HS1BP3: variants seen among roughly 807,000 people sequenced by gnomAD.
The protein encoded by HS1BP3 is HCLS1 binding protein 3.
Under a neutral mutation model 33.5 loss-of-function variants are expected in HS1BP3, and 32 were observed. That is an observed-to-expected ratio of 0.95 (90% CI 0.72 to 1.28). The LOEUF (loss-of-function observed/expected upper bound fraction) is 1.28, where lower values mean the gene tolerates loss of function less well. HS1BP3 is among the 50% of genes most tolerant of loss of function. The pLI, the probability that HS1BP3 is intolerant of heterozygous loss-of-function variation, is 0.00. For missense variants in HS1BP3, 486 were observed against 502.3 expected, an observed-to-expected ratio of 0.97 and a Z score of 0.31; for synonymous variants, 187 against 209.2, an observed-to-expected ratio of 0.89 and a Z score of 0.92.
At chr2:20,627,753 G>A (rs775829041) in intron 4 of HS1BP3, among the ~76,000 whole-genome samples, 17 of 152,118 alleles carry the variant, frequency 1.1e-4, no homozygotes, top group Non-Finnish European at 1.5e-4. Flanking sequence ...CCATCTTCAG[G>A]GGAATCAAGG....
Position 20,611,143 on chromosome 2 carries a change from G to A in HS1BP3, c.178+12753C>T, listed in dbSNP as rs12999289. 0.072 allele frequency among the ~76,000 whole-genome samples: 10,988 copies of A among 152,242 alleles called. 522 individuals carry two copies. Among genetic ancestry groups the A allele is most frequent in the East Asian group, 0.14 (746 of 5,176 alleles). ...TGTTAGAGGGTTTTTCCTTTTTGAC[G>A]CTGCACAGCATTCCGCTGCATCCAT... On this transcript the variant is annotated intron_variant, in intron 2 of 3. Coordinates refer to the HS1BP3 transcript ENST00000415264. The surrounding 1 kb of genome is among the most constrained non-coding windows in gnomAD (Gnocchi z 4.9).
At chr2:20,641,317 G>A (rs1297948861) in intron 2 of HS1BP3, 137 bp from the exon 3 acceptor site, 3 of 705,032 alleles carry the variant, frequency 4.3e-6, no homozygotes, top group Non-Finnish European at 4.8e-6. Flanking sequence ...CCCTCTGCCT[G>A]TCTCCCAGCC....
downstream of HS1BP3, among the ~76,000 whole-genome samples, chr2:20,555,536 T>G (rs954798389): frequency 6.6e-6 from 1 of 152,080 alleles, no homozygotes; most frequent in African/African-American, 2.4e-5. Context: ...TCAGGTACCT[T>G]CACATACCCT....
chr2:20,609,339 G>A (rs550230209), intron 2 of HS1BP3, among the ~76,000 whole-genome samples: 38 of 152,318 alleles, frequency 2.5e-4, no homozygotes, highest in African/African-American at 9.1e-4. Context: ...AAGCCAAAGG[G>A]GTCCTGGTGG....
chr2:20,554,144 T>C, the HS1BP3 span, among the ~76,000 whole-genome samples: 1 of 152,214 alleles, frequency 6.6e-6, no homozygotes, highest in Non-Finnish European at 1.5e-5. Context: ...GAACTATGCC[T>C]GCCTTCTCTC....
At chr2:20,596,420 T>C (rs901838098) in intron 3 of HS1BP3, among the ~76,000 whole-genome samples, 1 of 152,194 alleles carries the variant, frequency 6.6e-6, no homozygotes, top group African/African-American at 2.4e-5. Flanking sequence ...AAAGCTCTCA[T>C]GAATAGGATT....
intron 2 of HS1BP3, among the ~76,000 whole-genome samples, chr2:20,610,063 T>A (rs906010283): frequency 2.6e-5 from 4 of 152,142 alleles, no homozygotes; most frequent in African/African-American, 4.8e-5. Context: ...AGATTTTTTT[T>A]AAAGAGCAGT....
chr2:20,598,748 C>G (rs1437717514), intron 2 of HS1BP3, among the ~76,000 whole-genome samples: 3 of 151,490 alleles, frequency 2.0e-5, no homozygotes, highest in Admixed American at 6.6e-5. Context: ...TTAGTAGAGA[C>G]GGGGTTTCAC....
intron 4 of HS1BP3, among the ~76,000 whole-genome samples, chr2:20,630,385 C>T (rs1005212206): frequency 6.6e-6 from 1 of 152,112 alleles, no homozygotes; most frequent in African/African-American, 2.4e-5. Flanking sequence ...CTCACCTCAG[C>T]CACCCTAGTA....
At chr2:20,627,211 C>T (rs1172935541) in intron 4 of HS1BP3, among the ~76,000 whole-genome samples, 3 of 152,270 alleles carry the variant, frequency 2.0e-5, no homozygotes, top group Non-Finnish European at 4.4e-5. Flanking sequence ...ACCCAGGTGG[C>T]AGCTCTCAGG....
At chr2:20,645,152 C>T (rs775488696) in intron 2 of HS1BP3, among the ~76,000 whole-genome samples, 188 bp downstream of exon 2, 3 of 152,206 alleles carry the variant, frequency 2.0e-5, no homozygotes, top group Non-Finnish European at 4.4e-5. Context: ...TGCCTCTCCA[C>T]GGACTGAGAG....
intron 5 of HS1BP3, among the ~76,000 whole-genome samples, chr2:20,577,190 A>G (rs1252498923): frequency 6.6e-6 from 1 of 152,110 alleles, no homozygotes; most frequent in Non-Finnish European, 1.5e-5. Flanking sequence ...TGGGGGCATG[A>G]CACACTGATA....
At chr2:20,624,355 G>A (rs1315695887) in intron 5 of HS1BP3, among the ~76,000 whole-genome samples, 3 of 152,134 alleles carry the variant, frequency 2.0e-5, no homozygotes, top group African/African-American at 7.2e-5. Flanking sequence ...ACCGGAGGAC[G>A]ACCTGGGCAT....
intron 6 of HS1BP3, among the ~76,000 whole-genome samples, chr2:20,621,018 C>A (rs1243895330): frequency 6.6e-6 from 1 of 152,204 alleles, no homozygotes; most frequent in Non-Finnish European, 1.5e-5. Context: ...GTGAGCCTGG[C>A]ATGAATAGGG....
In HS1BP3 at chr2:20,618,745, G is replaced by C. The variant is rs1429121351; in HGVS notation, c.*242C>G. On this transcript the variant is annotated 3_prime_UTR_variant, in exon 7 of 7. Coordinates refer to ENST00000304031, the MANE Select transcript of HS1BP3 (RefSeq NM_022460.4). ...CCTCCCTCCCCTTCATGTCCACGGG[G>C]AATAAGACACATTGGGCTCTGGCTC... 6.7e-6 allele frequency: 9 copies of C among 1,339,142 alleles called. No individual in the cohort carries two copies. Among genetic ancestry groups the C allele is most frequent in the African/African-American group, 1.5e-5 (1 of 68,096 alleles). The allele number at this position is 1,339,142 out of a possible 1,614,324, so 83.0% of individuals were successfully genotyped here.
chr2:20,608,160 A>G (rs999562958), intron 2 of HS1BP3, among the ~76,000 whole-genome samples: 5 of 152,312 alleles, frequency 3.3e-5, no homozygotes, highest in African/African-American at 9.6e-5. Flanking sequence ...TATCAGCTAC[A>G]TGTAAGATCA....
chr2:20,610,366 A>G (rs1190231825), intron 2 of HS1BP3, among the ~76,000 whole-genome samples: 1 of 151,908 alleles, frequency 6.6e-6, no homozygotes, highest in African/African-American at 2.4e-5. Context: ...TGCTCCTCCT[A>G]TTCATCCCTC....
chr2:20,622,114 C>A, intron 6 of HS1BP3: 1 of 1,159,702 alleles, frequency 8.6e-7, no homozygotes, highest in Non-Finnish European at 1.1e-6. Flanking sequence ...GCTCAGTGTA[C>A]ACCCCACGCG....
chr2:20,565,539 T>C (rs1693104811), intron 5 of HS1BP3, among the ~76,000 whole-genome samples: 1 of 152,358 alleles, frequency 6.6e-6, no homozygotes, highest in Non-Finnish European at 1.5e-5. Context: ...AGCTTGACCC[T>C]GGCAGCCATC....
Sources: gnomAD v4.1 joint callset for allele counts (sites outside exome capture counted in the v4.1 genomes callset) on GRCh38, gnomAD v4.1.1 for gene constraint, Gnocchi (gnomAD v3.1) non-coding constraint, MANE v1.5 for transcripts, NCBI Gene and HGNC (gene_info 2026-07-23, HGNC 2026-07-21) for gene names.